Variants in PDE1A observed in about 807,000 individuals in gnomAD.
PDE1A encodes phosphodiesterase 1A.
In PDE1A, 35 loss-of-function variants were observed where a neutral mutation model predicts 61.7. That is an observed-to-expected ratio of 0.57 (90% confidence interval 0.43 to 0.75). PDE1A has a LOEUF of 0.75. PDE1A is among the 30% of genes least tolerant of loss of function. The pLI, the probability that PDE1A is intolerant of heterozygous loss-of-function variation, is 0.00. For missense variants in PDE1A, 597 were observed against 630.6 expected (o/e 0.95, Z 0.57); for synonymous variants, 232 against 213.2 (o/e 1.09, Z -0.77).
At chr2:182,633,871 C>A in the PDE1A span, among the ~76,000 whole-genome samples, 1 of 152,078 alleles carries the variant, frequency 6.6e-6, no homozygotes, top group African/African-American at 2.4e-5. Context: ...ATCCCATAAG[C>A]CCAGGAGTTC....
At chr2:182,268,747 GT>G (rs1488306391) in intron 1 of PDE1A, among the ~76,000 whole-genome samples, 5 of 151,710 alleles carry the variant, frequency 3.3e-5, no homozygotes, top group Non-Finnish European at 7.4e-5. Context: ...ATTATGTTTG[GT>G]TACCAGGCGT....
exon 15 of PDE1A, chr2:182,140,527 A>T (rs1274244870): frequency 2.0e-5 from 3 of 152,240 alleles, no homozygotes; most frequent in Non-Finnish European, 2.9e-5. Flanking sequence ...TGTAATAAGA[A>T]ACACAGAAAA....
At chr2:182,653,372 T>C in the PDE1A span, among the ~76,000 whole-genome samples, 1 of 152,188 alleles carries the variant, frequency 6.6e-6, no homozygotes, top group African/African-American at 2.4e-5. Flanking sequence ...CTGAAGGACA[T>C]TGACTAAATC....
In PDE1A at chr2:182,438,693, C is replaced by T. The variant is rs536427896; in HGVS notation, c.101+83583G>A. ...TAGTATTCAGGAAGGTATCCTGGCACGACTTAAAGGTAAAAATATGAGGAG... is the reference window on the plus strand; with the variant it reads ...TAGTATTCAGGAAGGTATCCTGGCATGACTTAAAGGTAAAAATATGAGGAG... On this transcript the variant is annotated intron_variant, in intron 2 of 14. Transcript: ENST00000410103. 7.9e-5 allele frequency among the ~76,000 whole-genome samples: 12 copies of T among 151,798 alleles called. No homozygotes were observed. In the South Asian group the frequency reaches 8.3e-4, roughly 11 times the overall value.
chr2:182,589,317 G>T, the PDE1A span, among the ~76,000 whole-genome samples: 1 of 130,480 alleles, frequency 7.7e-6, no homozygotes, highest in African/African-American at 2.7e-5. Context: ...GGAAAAAGAG[G>T]TATGATTGAT....
At chr2:182,344,014 G>T (rs1051499517) in intron 1 of PDE1A, among the ~76,000 whole-genome samples, 1 of 151,768 alleles carries the variant, frequency 6.6e-6, no homozygotes, top group Non-Finnish European at 1.5e-5. Flanking sequence ...GGGACTACAG[G>T]CACACGCCAC....
At chr2:182,198,542 T>G (rs557597511) in intron 10 of PDE1A, among the ~76,000 whole-genome samples, 2 of 152,000 alleles carry the variant, frequency 1.3e-5, no homozygotes, top group African/African-American at 4.8e-5. Context: ...TTTTTATAAT[T>G]AATGTCTGTC....
intron 2 of PDE1A, among the ~76,000 whole-genome samples, chr2:182,497,731 G>T (rs1688800565): frequency 6.6e-6 from 1 of 152,044 alleles, no homozygotes; most frequent in African/African-American, 2.4e-5. Flanking sequence ...CCGGCATTTG[G>T]TAACCACCCA....
chr2:182,646,358 A>G, the PDE1A span, among the ~76,000 whole-genome samples: 1 of 145,182 alleles, frequency 6.9e-6, no homozygotes, highest in East Asian at 2.1e-4. Flanking sequence ...AGGCTGTGGC[A>G]GGAGAATCGT....
chr2:182,233,418 C>T (rs1238060330), intron 4 of PDE1A, among the ~76,000 whole-genome samples: 1 of 151,864 alleles, frequency 6.6e-6, no homozygotes, highest in East Asian at 1.9e-4. Flanking sequence ...TCTGATCTGA[C>T]AGGAGGCAGA....
At chr2:182,661,194 T>C in the PDE1A span, among the ~76,000 whole-genome samples, 2 of 152,326 alleles carry the variant, frequency 1.3e-5, no homozygotes, top group African/African-American at 2.4e-5. Flanking sequence ...TCACAGAGAT[T>C]AAAAAGATTC....
chr2:182,703,077 A>C, the PDE1A span, among the ~76,000 whole-genome samples: 1 of 152,366 alleles, frequency 6.6e-6, no homozygotes, highest in South Asian at 2.1e-4. Flanking sequence ...ATGGAACGCA[A>C]CCAACGAAAT....
intron 2 of PDE1A, among the ~76,000 whole-genome samples, chr2:182,453,968 A>G (rs1685713275): frequency 6.6e-6 from 1 of 152,034 alleles, no homozygotes; most frequent in African/African-American, 2.4e-5. Context: ...GGAAAAGAGG[A>G]AGTCAAATTG....
At position 182,179,176 on chromosome 2, in the gene PDE1A, T is replaced by G. The variant is rs150857332; in HGVS notation, c.1516+6716A>C. Among the ~76,000 whole-genome samples, 24 of 152,328 alleles carry G rather than the reference T, an allele frequency of 1.6e-4. No homozygotes were observed. The East Asian group carries it at 4.4e-3, about 28-fold the overall frequency. On this transcript the variant is annotated intron_variant, in intron 13 of 13. Coordinates refer to ENST00000351439, the Ensembl canonical transcript of PDE1A. Reference sequence around the variant, plus strand: ...GAGAAATAATGAAGGGTATATTATTTATGCACCTGATTTGTGGCCTAAGGA... The same window carrying G: ...GAGAAATAATGAAGGGTATATTATTGATGCACCTGATTTGTGGCCTAAGGA...
chr2:182,400,965 G>C (rs1350494041), intron 1 of PDE1A, among the ~76,000 whole-genome samples: 2 of 152,102 alleles, frequency 1.3e-5, no homozygotes, highest in East Asian at 3.9e-4. Flanking sequence ...TATTCCATTG[G>C]TGTTCTCTTT....
Position 182,395,720 on chromosome 2 carries a change from G to A in PDE1A, c.53+30858C>T, listed in dbSNP as rs558017828. Among the ~76,000 whole-genome samples the A allele has an allele frequency of 1.9e-4, 29 of 152,318 alleles. No homozygotes were observed. In the South Asian group the frequency reaches 5.0e-3, roughly 26 times the overall value. ...TCCAGCAGATCCAATGGTGCTTGAGGTGTCAGTGGCAGATAGGGATGCTGT... is the reference window on the plus strand; with the variant it reads ...TCCAGCAGATCCAATGGTGCTTGAGATGTCAGTGGCAGATAGGGATGCTGT... On this transcript the variant is annotated intron_variant, in intron 1 of 13. Coordinates refer to ENST00000351439, the Ensembl canonical transcript of PDE1A.
At chr2:182,534,940 A>G in the PDE1A span, among the ~76,000 whole-genome samples, 1 of 152,162 alleles carries the variant, frequency 6.6e-6, no homozygotes, top group South Asian at 2.1e-4. Context: ...TCTAGTTTAC[A>G]TGAAATTTAC....
chr2:182,562,151 G>T, the PDE1A span, among the ~76,000 whole-genome samples: 2 of 152,050 alleles, frequency 1.3e-5, no homozygotes, highest in African/African-American at 2.4e-5. Context: ...CAAAGGGAAT[G>T]CTTCCAGTTT....
rs200488807 is a variant in PDE1A, at chr2:182,201,598, A to G, written c.1005-39T>C. On this transcript the variant is annotated intron_variant, in intron 9 of 13. Transcript: ENST00000351439. ...GACATGCTTATATTATTCAAAACAA[A>G]GGAAACAATTACAGTCTTTTCTGAG... is the stretch of plus-strand genomic sequence containing the variant. 1.0e-5 allele frequency: 16 copies of G among 1,605,472 alleles called. No individual in the cohort carries two copies. In the Middle Eastern group the frequency reaches 8.3e-4, roughly 83 times the overall value.
Sources: allele counts gnomAD v4.1 joint callset (sites outside exome capture counted in the v4.1 genomes callset), GRCh38; gene constraint gnomAD v4.1.1; transcripts MANE v1.5; gene names NCBI Gene and HGNC (gene_info 2026-07-23, HGNC 2026-07-21).